Variants in PLA2G4F observed in about 807,000 individuals in gnomAD.
PLA2G4F encodes the protein phospholipase A2 group IVF.
Under a neutral mutation model 103.1 loss-of-function variants are expected in PLA2G4F, and 105 were observed. That is an observed-to-expected ratio of 1.02 (90% CI 0.87 to 1.20). The LOEUF is 1.20. PLA2G4F is among the 50% of genes most tolerant of loss of function. PLA2G4F has a pLI of 0.00. For synonymous variants in PLA2G4F, 468 were observed against 441.1 expected, an observed-to-expected ratio of 1.06 and a Z score of -0.76; for missense variants, 1,155 against 1,075.9, an observed-to-expected ratio of 1.07 and a Z score of -1.03.
At position 42,152,677 on chromosome 15, in the gene PLA2G4F, A is replaced by G; in HGVS notation, c.601+11T>C. 1 of 1,554,358 alleles carries G rather than the reference A, an allele frequency of 6.4e-7. No homozygotes were observed. Among genetic ancestry groups the G allele is most frequent in the South Asian group, 1.2e-5 (1 of 84,208 alleles). The stretch of plus-strand genomic sequence containing the variant: ...GAAGGCAAAAGACCCAAGGCCGCTG[A>G]GCAGACTCACCGTACTCTTCCCGTG... On this transcript the variant is annotated intron_variant, in intron 7 of 19. Coordinates refer to ENST00000397272, the MANE Select transcript of PLA2G4F (RefSeq NM_213600.4).
intron 1 of PLA2G4F, 119 bp from the exon 2 acceptor site, chr15:42,155,708 G>T: frequency 1.0e-6 from 1 of 1,000,066 alleles, no homozygotes; most frequent in Non-Finnish European, 1.5e-6. Flanking sequence ...ACGTCTCTGT[G>T]CCGGGGAGCA....
In PLA2G4F at chr15:42,147,126, C is replaced by T; in HGVS notation, c.1417G>A (p.Glu473Lys). The T allele has an allele frequency of 6.2e-7, 1 of 1,611,968 alleles. No homozygotes were observed. Among genetic ancestry groups the T allele is most frequent in the Middle Eastern group, 1.7e-4 (1 of 5,890 alleles). ...TTTCCTTCTGGCTCTTCTCTCACCT[C>T]CTGGTACAGGAGATACTCAACAAGG... Reference protein sequence around the residue: ...GLLVEYLLYQEENPAKLSDQQ... With the variant: ...GLLVEYLLYQKENPAKLSDQQ... The change falls in exon 13 of 20, where the codon GAG (glutamate) becomes AAG (lysine). Residue 473 changes from glutamate to lysine, a missense_variant and splice_region_variant. By Grantham distance (56) the Glu-to-Lys change is moderately conservative. This residue lies in a region of PLA2G4F where 782 missense variants were observed against 692.9 expected (regional missense o/e 1.13). Transcript: ENST00000397272.
chr15:42,152,968 C>T (rs991002430), intron 6 of PLA2G4F, among the ~76,000 whole-genome samples: 22 of 152,186 alleles, frequency 1.4e-4, no homozygotes, highest in Admixed American at 1.3e-4. Flanking sequence ...AAGGTCATAC[C>T]TAGCCCCTCT....
intron 11 of PLA2G4F, 41 bp from the exon 12 acceptor site, chr15:42,147,803 C>T (rs774252634): frequency 1.2e-6 from 2 of 1,609,104 alleles, no homozygotes; most frequent in Admixed American, 1.7e-5. Context: ...CCGACTACCA[C>T]CGTCATTGAC....
In PLA2G4F at chr15:42,150,488, T is replaced by C. The variant is rs1343710792; in HGVS notation, c.772-2A>G. 1.9e-6 allele frequency: 3 copies of C among 1,610,814 alleles called. No individual in the cohort carries two copies. The African/African-American group carries it at 4.0e-5, about 22-fold the overall frequency. ...CTCCAACTCTGCGCTGGGGCCACTC[T>C]GTGGAAAAGAAAACACCCAAGAAGC... On this transcript the variant is annotated splice_acceptor_variant, in intron 8 of 19. Coordinates refer to ENST00000397272, the MANE Select transcript of PLA2G4F (RefSeq NM_213600.4). LOFTEE classifies it high-confidence loss of function.
chr15:42,146,715 A>C lies in PLA2G4F; in HGVS notation c.1419+409T>G, dbSNP rs528627494. Reference sequence around the variant, plus strand: ...CAGCTGGGTCTGAAGTTCCAGGAGCAGCCAGGCGGAGTGAGTTATGGCGGA... The same window carrying C: ...CAGCTGGGTCTGAAGTTCCAGGAGCCGCCAGGCGGAGTGAGTTATGGCGGA... On this transcript the variant is annotated intron_variant, in intron 13 of 19. Transcript: ENST00000397272. 1.7e-3 allele frequency: 385 copies of C among 224,128 alleles called. 2 individuals are homozygous for C. Among genetic ancestry groups the C allele is most frequent in the Non-Finnish European group, 2.7e-3 (307 of 112,098 alleles). 13.9% of individuals were successfully genotyped at this position (224,128 alleles called of 1,614,324 possible). A position where few individuals can be genotyped will look rare whatever the true frequency, so the allele number is the denominator to read the frequency against.
chr15:42,142,040 ACTTCAAG>A lies in PLA2G4F; in HGVS notation c.2487_2493del (p.Leu830AlafsTer40). The A allele has an allele frequency of 6.2e-7, 1 of 1,614,066 alleles. No individual in the cohort carries two copies. The highest frequency in any genetic ancestry group is 8.5e-7 in the Non-Finnish European group (1 of 1,180,004). ...CGGTCCAGAGCCAGCTGGAGGGCGCACTTCAAGGTCTCCACGTTGTTCAGGACGTTGT... is the reference window on the plus strand; with the variant it reads ...CGGTCCAGAGCCAGCTGGAGGGCGCAGTCTCCACGTTGTTCAGGACGTTGT... On this transcript the variant is annotated frameshift_variant, in exon 20 of 20. Transcript: ENST00000397272. LOFTEE classifies it high-confidence loss of function.
In PLA2G4F at chr15:42,141,835, A is replaced by G; in HGVS notation, c.*149T>C. 2.6e-6 allele frequency: 2 copies of G among 777,968 alleles called. No individual in the cohort carries two copies. Among genetic ancestry groups the G allele is most frequent in the Non-Finnish European group, 4.1e-6 (2 of 490,002 alleles). The allele number at this position is 777,968 out of a possible 1,614,324, so 48.2% of individuals were successfully genotyped here. ...CCAGTCCAAGCTGCAATTCTGCAAG[A>G]GCTTTCCGGGGCCTGGGGCACCTCG... is the stretch of plus-strand genomic sequence containing the variant. On this transcript the variant is annotated 3_prime_UTR_variant, in exon 20 of 20. Coordinates refer to ENST00000397272, the MANE Select transcript of PLA2G4F (RefSeq NM_213600.4).
intron 18 of PLA2G4F, 57 bp from the exon 19 acceptor site, chr15:42,142,771 C>G: frequency 6.3e-7 from 1 of 1,576,374 alleles, no homozygotes. Context: ...ACTCCCGCCG[C>G]CCTGGACTCA....
intron 13 of PLA2G4F, 27 bp downstream of exon 13, chr15:42,147,096 AC>A: frequency 6.3e-7 from 1 of 1,587,292 alleles, no homozygotes; most frequent in Non-Finnish European, 8.6e-7. Context: ...AGAGGAGCCT[AC>A]GTATTTCCTT....
rs1321218595 is a variant in PLA2G4F at position 42,140,122 on chromosome 15, T to G, written c.*1862A>C. 1.3e-5 allele frequency: 2 copies of G among 152,224 alleles called. No individual in the cohort carries two copies. The highest frequency in any genetic ancestry group is 2.9e-5 in the Non-Finnish European group (2 of 68,046). 9.4% of individuals were successfully genotyped at this position (152,224 alleles called of 1,614,324 possible). ...ACATGGGTTAGGAATCATGAAAGCA[T>G]TGCATGCTTTTTTGTGGTTGGTGGG... On this transcript the variant is annotated 3_prime_UTR_variant, in exon 20 of 20. Coordinates refer to ENST00000397272, the MANE Select transcript of PLA2G4F (RefSeq NM_213600.4).
At position 42,149,561 on chromosome 15, in the gene PLA2G4F, C is replaced by T. The variant is rs922077300; in HGVS notation, c.1059+152G>A. 2.8e-6 allele frequency: 4 copies of T among 1,429,780 alleles called. No individual in the cohort carries two copies. In the African/African-American group the frequency reaches 4.3e-5, roughly 15 times the overall value. 88.6% of individuals were successfully genotyped at this position (1,429,780 alleles called of 1,614,324 possible). A position where few individuals can be genotyped will look rare whatever the true frequency, so the allele number is the denominator to read the frequency against. ...GGCCAGGGCCGTTTGGCCCTGGTCC[C>T]ATATGGGGTCCTAGCTCTGCCGATG... On this transcript the variant is annotated intron_variant, in intron 11 of 19. Transcript: ENST00000397272.
At chr15:42,146,039 C>T (rs2048881244) in intron 14 of PLA2G4F, 88 bp downstream of exon 14, 2 of 1,579,572 alleles carry the variant, frequency 1.3e-6, no homozygotes, top group East Asian at 2.2e-5. Context: ...TGTGCAACCA[C>T]CTCCTCTGGG....
intron 18 of PLA2G4F, 103 bp downstream of exon 18, chr15:42,143,875 C>T: frequency 1.4e-6 from 2 of 1,411,856 alleles, no homozygotes; most frequent in African/African-American, 1.4e-5. Context: ...CCCACACACC[C>T]AGCCAGTCCC....
rs369884656 is a variant in PLA2G4F, at chr15:42,146,175, A to G, written c.1486T>C (p.Tyr496His). 1.2e-4 allele frequency: 197 copies of G among 1,614,122 alleles called. No individual in the cohort carries two copies. Among genetic ancestry groups the G allele is most frequent in the Non-Finnish European group, 1.6e-4 (190 of 1,180,046 alleles). Residue 496 changes from tyrosine to histidine, a missense_variant, in exon 14 of 20, where the codon TAC (tyrosine) becomes CAC (histidine). This residue lies in a region of PLA2G4F where 782 missense variants were observed against 692.9 expected (regional missense o/e 1.13). Coordinates refer to ENST00000397272, the MANE Select transcript of PLA2G4F (RefSeq NM_213600.4). ...VRQGQNPYPIYTSVNVRTNLS... is the reference protein window; with the variant it reads ...VRQGQNPYPIHTSVNVRTNLS... ...TTGGTGCGGACGTTGACACTGGTGT[A>G]AATGGGGTAAGGGTTCTGACCCTGG...
chr15:42,148,578 T>TC, intron 11 of PLA2G4F: 4 of 959,716 alleles, frequency 4.2e-6, no homozygotes, highest in Non-Finnish European at 5.0e-6. Flanking sequence ...TGGATGAATG[T>TC]CCCCAGGGGT....
At chr15:42,143,823 T>C (rs933078949) in intron 18 of PLA2G4F, among the ~76,000 whole-genome samples, 155 bp downstream of exon 18, 28 of 152,130 alleles carry the variant, frequency 1.8e-4, no homozygotes, top group African/African-American at 6.8e-4. Context: ...GGCAGCTCCC[T>C]CACACACAGA....
intron 18 of PLA2G4F, among the ~76,000 whole-genome samples, chr15:42,143,046 G>T (rs531743175): frequency 2.4e-4 from 37 of 151,946 alleles, no homozygotes; most frequent in Admixed American, 1.6e-3. Context: ...GGGCATGGTG[G>T]TGTGTGCCTA....
intron 14 of PLA2G4F, 103 bp from the exon 15 acceptor site, chr15:42,146,006 C>T: frequency 1.3e-6 from 2 of 1,587,130 alleles, no homozygotes; most frequent in Non-Finnish European, 1.7e-6. Context: ...AAGCAGCAGC[C>T]CCGCTGTGCT....
Sources: allele counts gnomAD v4.1 joint callset (sites outside exome capture counted in the v4.1 genomes callset), GRCh38; gene constraint gnomAD v4.1.1; regional missense constraint gnomAD v4.1.1; transcripts MANE v1.5; gene names NCBI Gene and HGNC (gene_info 2026-07-23, HGNC 2026-07-21).